Variants in ADGRF5 observed in about 807,000 individuals in gnomAD.
The protein encoded by ADGRF5 is G-protein coupled receptor 116.
Under a neutral mutation model 132.3 loss-of-function variants are expected in ADGRF5, and 75 were observed. That is an observed-to-expected ratio of 0.57 (90% CI 0.47 to 0.69). The LOEUF (loss-of-function observed/expected upper bound fraction) is 0.69, where lower values mean the gene tolerates loss of function less well. ADGRF5 is among the 30% of genes least tolerant of loss of function. The pLI, the probability that ADGRF5 is intolerant of heterozygous loss-of-function variation, is 0.00. For synonymous variants in ADGRF5, 629 were observed against 597.6 expected (o/e 1.05, Z -0.77); for missense variants, 1,516 against 1,630.6 (o/e 0.93, Z 1.21).
chr6:46,886,827 G>C (rs994067524), intron 4 of ADGRF5: 1 of 152,186 alleles, frequency 6.6e-6, no homozygotes, highest in Non-Finnish European at 1.5e-5. Flanking sequence ...CTGGTCCTGA[G>C]GTCCATGAGC....
At chr6:46,928,759 C>T (rs1777386981) in intron 1 of ADGRF5, among the ~76,000 whole-genome samples, 1 of 152,128 alleles carries the variant, frequency 6.6e-6, no homozygotes, top group South Asian at 2.1e-4. Context: ...CATCACTGGC[C>T]ATCAGAGAAA....
intron 3 of ADGRF5, among the ~76,000 whole-genome samples, chr6:46,889,148 C>A (rs1211596414): frequency 6.7e-6 from 1 of 148,988 alleles, no homozygotes; most frequent in African/African-American, 2.5e-5. Flanking sequence ...CTACATCAGG[C>A]AGGCTAATAT....
At chr6:46,941,431 GAAAA>G (rs1778066981) in intron 1 of ADGRF5, among the ~76,000 whole-genome samples, 1 of 54,084 alleles carries the variant, frequency 1.8e-5, no homozygotes, top group Admixed American at 1.7e-4. Context: ...GAAAAGAAAA[GAAAA>G]GAAAAGAAAA....
intron 1 of ADGRF5, among the ~76,000 whole-genome samples, chr6:46,947,072 C>A (rs1439717879): frequency 6.6e-6 from 1 of 152,148 alleles, no homozygotes; most frequent in Non-Finnish European, 1.5e-5. Context: ...CTTGAATTTT[C>A]CTGCAGGCAG....
chr6:46,936,879 A>G (rs545562572), intron 1 of ADGRF5, among the ~76,000 whole-genome samples: 8 of 152,316 alleles, frequency 5.3e-5, no homozygotes, highest in African/African-American at 1.7e-4. Flanking sequence ...TCCAGGCTGC[A>G]GTTTTGGCAG....
chr6:46,888,307 A>T, intron 4 of ADGRF5, 28 bp downstream of exon 4: 1 of 1,519,040 alleles, frequency 6.6e-7, no homozygotes, highest in African/African-American at 1.4e-5. Flanking sequence ...CCAATCATTT[A>T]TTCTGAAGCA....
intron 16 of ADGRF5, among the ~76,000 whole-genome samples, chr6:46,860,196 G>T (rs998348268): frequency 6.6e-6 from 1 of 152,126 alleles, no homozygotes; most frequent in Non-Finnish European, 1.5e-5. Flanking sequence ...GGTGATAATG[G>T]CTTCTAAATG....
At chr6:46,860,507 A>G (rs566411350) in intron 16 of ADGRF5, among the ~76,000 whole-genome samples, 7 of 152,230 alleles carry the variant, frequency 4.6e-5, no homozygotes, top group African/African-American at 1.7e-4. Flanking sequence ...TAAAGCAGAG[A>G]TTCACTAATA....
At chr6:46,940,946 C>A (rs1182069662) in intron 1 of ADGRF5, among the ~76,000 whole-genome samples, 1 of 152,174 alleles carries the variant, frequency 6.6e-6, no homozygotes, top group African/African-American at 2.4e-5. Context: ...TCAAATAGTT[C>A]TGGCTAAGTT....
intron 1 of ADGRF5, among the ~76,000 whole-genome samples, chr6:46,933,453 T>C (rs1005089706): frequency 6.6e-6 from 1 of 152,218 alleles, no homozygotes; most frequent in African/African-American, 2.4e-5. Flanking sequence ...GGATATGTCA[T>C]TGGTTTGTTA....
chr6:46,862,177 A>G (rs181800357), intron 15 of ADGRF5, among the ~76,000 whole-genome samples: 25 of 152,320 alleles, frequency 1.6e-4, no homozygotes, highest in African/African-American at 4.6e-4. Flanking sequence ...TTATTTACCC[A>G]GTGGTGAGAG....
intron 2 of ADGRF5, among the ~76,000 whole-genome samples, chr6:46,900,717 C>T (rs890977001): frequency 1.3e-5 from 2 of 152,164 alleles, no homozygotes; most frequent in African/African-American, 4.8e-5. Flanking sequence ...CCTCGCTGAG[C>T]TTCAGGGTTT....
intron 1 of ADGRF5, among the ~76,000 whole-genome samples, chr6:46,927,977 G>T (rs192763493): frequency 1.3e-5 from 2 of 152,232 alleles, no homozygotes; most frequent in African/African-American, 4.8e-5. Flanking sequence ...TGAGACAGAC[G>T]CATAGGCTAT....
chr6:46,930,084 G>C (rs926840387), intron 1 of ADGRF5, among the ~76,000 whole-genome samples: 1 of 152,144 alleles, frequency 6.6e-6, no homozygotes, highest in Non-Finnish European at 1.5e-5. Context: ...GCCTCCCAAA[G>C]TGCTGGGATT....
At chr6:46,954,287 C>T (rs186080539) in intron 1 of ADGRF5, among the ~76,000 whole-genome samples, 3 of 152,032 alleles carry the variant, frequency 2.0e-5, no homozygotes, top group Admixed American at 2.0e-4. Flanking sequence ...AAATTAGGAA[C>T]ACCCGTTCCT....
chr6:46,905,277 G>A (rs1775216081), intron 2 of ADGRF5: 1 of 152,156 alleles, frequency 6.6e-6, no homozygotes, highest in East Asian at 1.9e-4. Context: ...TTGTGTATGA[G>A]TGTACAGGTT....
rs367745836 is a variant in ADGRF5 at position 46,871,833 on chromosome 6, G to A, written c.1411+10C>T. ...TATTTATGGCTAAAAATGCTAGGGA[G>A]AGTCCTTACCCACAGAGATGAATGT... is the stretch of plus-strand genomic sequence containing the variant. On this transcript the variant is annotated intron_variant, in intron 11 of 20. Coordinates refer to ENST00000283296, the MANE Select transcript of ADGRF5 (RefSeq NM_001098518.2). 1.8e-5 allele frequency: 29 copies of A among 1,570,698 alleles called. No homozygotes were observed. In the African/African-American group the frequency reaches 2.7e-4, roughly 15 times the overall value.
At chr6:46,855,446 G>C (rs537774534) in intron 20 of ADGRF5, among the ~76,000 whole-genome samples, 2 of 152,278 alleles carry the variant, frequency 1.3e-5, no homozygotes, top group Admixed American at 6.5e-5. Flanking sequence ...TAATAGAATA[G>C]CTAACTTGGG....
intron 2 of ADGRF5, among the ~76,000 whole-genome samples, chr6:46,900,635 A>G (rs1240790711): frequency 6.6e-6 from 1 of 152,182 alleles, no homozygotes; most frequent in Non-Finnish European, 1.5e-5. Flanking sequence ...AGCCTGCTCT[A>G]GAGTCAGACT....
Sources: allele counts gnomAD v4.1 joint callset (sites outside exome capture counted in the v4.1 genomes callset), GRCh38; gene constraint gnomAD v4.1.1; transcripts MANE v1.5; gene names NCBI Gene and HGNC (gene_info 2026-07-23, HGNC 2026-07-21).